ACADVL: variants seen among roughly 807,000 people sequenced by gnomAD.
ACADVL encodes the protein acyl-CoA dehydrogenase very long chain, also known as very long-chain acyl-CoA dehydrogenase, mitochondrial.
Under a neutral mutation model 80.4 loss-of-function variants are expected in ACADVL, and 73 were observed. The observed-to-expected ratio is 0.91, with a 90% CI of 0.75 to 1.10. The LOEUF (loss-of-function observed/expected upper bound fraction) is 1.10. Ranked by LOEUF, ACADVL falls within the 50% of genes least tolerant of loss-of-function variation. The pLI is 0.00. For missense variants in ACADVL, 878 were observed against 858.9 expected (o/e 1.02, Z -0.28); for synonymous variants, 392 against 326.5 (o/e 1.20, Z -2.16).
upstream of ACADVL, chr17:7,217,918 G>A (rs1460772586): frequency 8.4e-7 from 1 of 1,194,344 alleles, no homozygotes; most frequent in Non-Finnish European, 1.2e-6. Context: ...AGGCGGTAGG[G>A]GGTCGGGTGT....
Position 7,225,129 on chromosome 17 carries a change from T to A in ACADVL, c.*32T>A. ...CCGGCCAGGGCCTGTCCCAGTTATG[T>A]GCCTTCCCTCAAGCCAAAGCCGAAG... On this transcript the variant is annotated 3_prime_UTR_variant, in exon 20 of 20. Coordinates refer to ENST00000356839, the MANE Select transcript of ACADVL (RefSeq NM_000018.4). 6.2e-7 allele frequency: 1 copy of A among 1,613,774 alleles called. No individual in the cohort carries two copies. Among genetic ancestry groups the A allele is most frequent in the Non-Finnish European group, 8.5e-7 (1 of 1,180,034 alleles).
At chr17:7,223,520 G>C in intron 11 of ACADVL, 124 bp from the exon 12 acceptor site, 1 of 1,085,292 alleles carries the variant, frequency 9.2e-7, no homozygotes, top group South Asian at 1.3e-5. Flanking sequence ...AACTGACCCA[G>C]AACAAGTATC....
rs1279230011 is a variant in ACADVL, at chr17:7,224,461, A to G, written c.1606-19A>G. On this transcript the variant is annotated intron_variant, in intron 16 of 19. Transcript: ENST00000356839. ...AGCCGATGGCCCCTCTGAGCCCCGCACTGTCCCCATCTCTTAAGGCAGTAC... is the reference window on the plus strand; with the variant it reads ...AGCCGATGGCCCCTCTGAGCCCCGCGCTGTCCCCATCTCTTAAGGCAGTAC... 5 of 1,613,878 alleles carry G rather than the reference A, an allele frequency of 3.1e-6. No homozygotes were observed. Among genetic ancestry groups the G allele is most frequent in the South Asian group, 2.2e-5 (2 of 91,066 alleles).
chr17:7,218,409 T>C, upstream of ACADVL: 1 of 1,376,726 alleles, frequency 7.3e-7, no homozygotes, highest in African/African-American at 1.4e-5. Context: ...TCCACACTCA[T>C]GGAGGACACC....
chr17:7,220,093 G>A, intron 1 of ACADVL, 29 bp from the exon 2 acceptor site: 1 of 1,591,464 alleles, frequency 6.3e-7, no homozygotes, highest in East Asian at 2.2e-5. Flanking sequence ...CTGGGCACCG[G>A]GCCGGCACTG....
Position 7,222,725 on chromosome 17 carries a change from G to C in ACADVL, c.937G>C (p.Asp313His). The C allele has an allele frequency of 1.2e-6, 2 of 1,614,116 alleles. No individual in the cohort carries two copies. The highest frequency in any genetic ancestry group is 2.2e-5 in the South Asian group (2 of 91,080). The change falls in exon 10 of 20, where the codon GAT (aspartate) becomes CAT (histidine). Residue 313 changes from aspartate to histidine, a missense_variant. Coordinates refer to ENST00000356839, the MANE Select transcript of ACADVL (RefSeq NM_000018.4). ...TTCAAACACAGCAGAGGTGTTCTTT[G>C]ATGGAGTACGGGTGCCATCGGAGAA... ...KASNTAEVFF[D>H]GVRVPSENVL...
intron 9 of ACADVL, 153 bp downstream of exon 9, chr17:7,222,455 TA>T: frequency 7.7e-7 from 1 of 1,304,660 alleles, no homozygotes; most frequent in African/African-American, 1.5e-5. Flanking sequence ...GCAACTGAGC[TA>T]AAGTTTTGGC....
rs759498648 is a variant in ACADVL at position 7,221,715 on chromosome 17, G to A, written c.622+33G>A. On this transcript the variant is annotated intron_variant, in intron 7 of 19. Transcript: ENST00000356839. ...AACCCTAGGAGAGCCAGGGATTGGG[G>A]GGCACACTGGGCTTGGCACAGATTA... 12 of 1,613,090 alleles carry A rather than the reference G, an allele frequency of 7.4e-6. No individual in the cohort carries two copies. The African/African-American group carries it at 9.3e-5, about 13-fold the overall frequency.
chr17:7,223,392 GAA>G, intron 11 of ACADVL, 155 bp downstream of exon 11: 1 of 848,274 alleles, frequency 1.2e-6, no homozygotes, highest in Non-Finnish European at 2.0e-6. Context: ...CAGCTTCTGC[GAA>G]GAGAGACAGC....
upstream of ACADVL, chr17:7,218,244 ACT>A (rs780212257): frequency 1.6e-5 from 26 of 1,608,556 alleles, no homozygotes; most frequent in African/African-American, 3.0e-4. Context: ...TCCTTACCTG[ACT>A]CTCTGAGAGG....
At chr17:7,221,107 CAG>C in intron 6 of ACADVL, 49 bp downstream of exon 6, 1 of 1,611,400 alleles carries the variant, frequency 6.2e-7, no homozygotes, top group East Asian at 2.2e-5. Context: ...CCCAGCTTGG[CAG>C]ACTCAGCTCT....
At chr17:7,222,938 T>C in intron 10 of ACADVL, 73 bp downstream of exon 10, 1 of 1,565,296 alleles carries the variant, frequency 6.4e-7, no homozygotes, top group Non-Finnish European at 8.7e-7. Flanking sequence ...GTGTCCCTGA[T>C]CACTTGCAGG....
In ACADVL at chr17:7,220,812, T is replaced by C. The variant is rs764628802; in HGVS notation, c.324T>C (p.Pro108=). ...AGTTTCTTAAAGAGCTGGTGGAGCC[T>C]GTGTCCCGTTTCTTCGAGGTAAGGA... ...QTQFLKELVE[P]VSRFFEEVND... is the part of the protein sequence containing the mutation. The change falls in exon 5 of 20, where the codon CCT becomes CCC. Residue 108 remains proline (P), a synonymous_variant. Coordinates refer to ENST00000356839, the MANE Select transcript of ACADVL (RefSeq NM_000018.4). The C allele has an allele frequency of 2.5e-6, 4 of 1,614,002 alleles. No individual in the cohort carries two copies. The highest frequency in any genetic ancestry group is 3.3e-5 in the Admixed American group (2 of 60,012).
chr17:7,220,556 C>T, intron 3 of ACADVL, 27 bp downstream of exon 3: 2 of 1,614,234 alleles, frequency 1.2e-6, no homozygotes, highest in Non-Finnish European at 1.7e-6. Context: ...CCAGGTGGAC[C>T]TTAGCCAGAC....
chr17:7,217,604 G>A, upstream of ACADVL: 4 of 1,378,202 alleles, frequency 2.9e-6, no homozygotes, highest in Non-Finnish European at 2.8e-6. Flanking sequence ...CCGTGGAGCC[G>A]AAGAGGGAAG....
At chr17:7,223,058 G>A (rs778666687) in intron 10 of ACADVL, 75 bp from the exon 11 acceptor site, 228 of 1,513,506 alleles carry the variant, frequency 1.5e-4, no homozygotes, top group East Asian at 6.1e-4. Flanking sequence ...TCCCTCTGGC[G>A]CAAGCCCAGC....
At chr17:7,221,758 A>T (rs2071239757) in intron 7 of ACADVL, 76 bp downstream of exon 7, 1 of 1,607,702 alleles carries the variant, frequency 6.2e-7, no homozygotes, top group Non-Finnish European at 8.5e-7. Context: ...TGGCACTTAG[A>T]TTATCAGATG....
At chr17:7,217,759 GCC>G (rs1567555710), upstream of ACADVL, 25 of 1,535,372 alleles carry the variant, frequency 1.6e-5, no homozygotes, top group Non-Finnish European at 2.0e-5. Flanking sequence ...AAGCACAGAG[GCC>G]CCTGAGGCAA....
chr17:7,218,437 T>C, upstream of ACADVL: 1 of 1,393,152 alleles, frequency 7.2e-7, no homozygotes, highest in Non-Finnish European at 1.0e-6. Context: ...GGACCCTGCA[T>C]GGTGCTCCAG....
Sources: allele counts gnomAD v4.1 joint callset, GRCh38; gene constraint gnomAD v4.1.1; transcripts MANE v1.5; gene names NCBI Gene and HGNC (gene_info 2026-07-23, HGNC 2026-07-21).